The following PNPLA5 variants were observed in gnomAD, a reference collection of about 807,000 sequenced individuals.
PNPLA5 encodes patatin like domain 5, triacylglycerol lipase, also known as patatin-like phospholipase domain-containing protein 5.
PNPLA5 carries 44 observed loss-of-function variants against 49.1 expected under a neutral mutation model. The observed-to-expected ratio is 0.90, with a 90% CI of 0.70 to 1.15. PNPLA5 has a LOEUF of 1.15. PNPLA5 is among the 50% of genes most tolerant of loss of function. The pLI, the probability that PNPLA5 is intolerant of heterozygous loss-of-function variation, is 0.00. For missense variants in PNPLA5, 603 were observed against 564.0 expected, an observed-to-expected ratio of 1.07 and a Z score of -0.70; for synonymous variants, 243 against 244.4, an observed-to-expected ratio of 0.99 and a Z score of 0.06.
chr22:43,887,475 T>G, intron 5 of PNPLA5, 116 bp downstream of exon 5: 3 of 1,237,330 alleles, frequency 2.4e-6, no homozygotes, highest in Non-Finnish European at 2.3e-6. Context: ...ACAGAGCAGA[T>G]GATGAGGAAG....
At chr22:43,886,249 G>A (rs767423498) in intron 6 of PNPLA5, 54 bp downstream of exon 6, 61 of 1,545,830 alleles carry the variant, frequency 3.9e-5, no homozygotes, top group East Asian at 1.1e-4. Flanking sequence ...CCCTGAGCCC[G>A]GGCCCCTGAG....
At chr22:43,887,900 C>T in intron 4 of PNPLA5, among the ~76,000 whole-genome samples, 1 of 152,178 alleles carries the variant, frequency 6.6e-6, no homozygotes. Flanking sequence ...CATTGCATCT[C>T]CCCCCTGAGA....
Position 43,891,974 on chromosome 22 carries a change from A to G in PNPLA5, c.-94T>C. 2 of 1,295,280 alleles carry G rather than the reference A, an allele frequency of 1.5e-6. No homozygotes were observed. Among genetic ancestry groups the G allele is most frequent in the South Asian group, 3.0e-5 (2 of 65,644 alleles). 80.2% of individuals were successfully genotyped at this position (1,295,280 alleles called of 1,614,324 possible). A position where few individuals can be genotyped will look rare whatever the true frequency, so the allele number is the denominator to read the frequency against. On this transcript the variant is annotated 5_prime_UTR_variant, in exon 1 of 9. Coordinates refer to ENST00000216177, the MANE Select transcript of PNPLA5 (RefSeq NM_138814.4). ...TGCAGCCTTGGACGGGGCTGGGCCC[A>G]AATGTGGGCTCTGGAGGGAGCCGGG...
intron 6 of PNPLA5, among the ~76,000 whole-genome samples, chr22:43,884,718 C>A (rs995204860): frequency 8.8e-6 from 1 of 114,244 alleles, no homozygotes; most frequent in Admixed American, 9.4e-5. Context: ...GATGCTCTCA[C>A]CACACTCTCT....
intron 6 of PNPLA5, among the ~76,000 whole-genome samples, 169 bp downstream of exon 6, chr22:43,886,134 C>T (rs1413840013): frequency 2.0e-5 from 3 of 152,132 alleles, no homozygotes; most frequent in African/African-American, 4.8e-5. Flanking sequence ...GAAGAATGAA[C>T]GATGCCACAT....
chr22:43,889,881 C>A lies in PNPLA5; in HGVS notation c.427-17G>T. 1 of 1,613,010 alleles carries A rather than the reference C, an allele frequency of 6.2e-7. No individual in the cohort carries two copies. Among genetic ancestry groups the A allele is most frequent in the South Asian group, 1.1e-5 (1 of 90,730 alleles). On this transcript the variant is annotated splice_polypyrimidine_tract_variant and intron_variant, in intron 2 of 8. Transcript: ENST00000216177. ...GACCAAGGCCTAGGAAGAGAAGAGT[C>A]AGCAGGAACACAACTGTGCATGCTT...
intron 2 of PNPLA5, 122 bp downstream of exon 2, chr22:43,890,940 G>A: frequency 7.7e-7 from 1 of 1,298,162 alleles, no homozygotes. Context: ...CTACAAACAG[G>A]TCCACCCGCC....
chr22:43,880,364 G>C lies in PNPLA5; in HGVS notation c.*431C>G, dbSNP rs575484551. On this transcript the variant is annotated 3_prime_UTR_variant, in exon 9 of 9. Transcript: ENST00000216177. ...CAAGGGCCGCTGCAGGACTGAGAAA[G>C]TCTGGGGGGAGCACCCCCACCCCAT... 5.0e-6 allele frequency: 2 copies of C among 398,734 alleles called. No individual in the cohort carries two copies. The highest frequency in any genetic ancestry group is 8.8e-5 in the Admixed American group (2 of 22,748). The allele number at this position is 398,734 out of a possible 1,614,324, so 24.7% of individuals were successfully genotyped here. A position where few individuals can be genotyped will look rare whatever the true frequency, so the allele number is the denominator to read the frequency against.
chr22:43,880,999 T>C, intron 8 of PNPLA5, 114 bp from the exon 9 acceptor site: 1 of 1,241,430 alleles, frequency 8.1e-7, no homozygotes, highest in Non-Finnish European at 1.0e-6. Flanking sequence ...CCCCAAATCC[T>C]GCTCTGAGGG....
intron 4 of PNPLA5, among the ~76,000 whole-genome samples, chr22:43,888,571 A>G (rs1047514224): frequency 4.0e-5 from 6 of 151,832 alleles, no homozygotes; most frequent in African/African-American, 1.5e-4. Context: ...AGTAGCTGGA[A>G]TTACAGGCAT....
At chr22:43,888,731 G>A (rs1383474627) in intron 4 of PNPLA5, among the ~76,000 whole-genome samples, 2 of 152,112 alleles carry the variant, frequency 1.3e-5, no homozygotes, top group Non-Finnish European at 2.9e-5. Flanking sequence ...CACCACACCC[G>A]GCCAGGAGGA....
In PNPLA5 at chr22:43,889,505, G is replaced by A. The variant is rs2049700624; in HGVS notation, c.526C>T (p.Pro176Ser). 1 of 1,613,210 alleles carries A rather than the reference G, an allele frequency of 6.2e-7. No individual in the cohort carries two copies. Among genetic ancestry groups the A allele is most frequent in the South Asian group, 1.1e-5 (1 of 91,038 alleles). The change falls in exon 4 of 9, where the codon CCC (proline) becomes TCC (serine). Residue 176 changes from proline to serine, a missense_variant. By Grantham distance (74) the Pro-to-Ser change is moderately conservative (BLOSUM62 -1). Transcript: ENST00000216177. ...YIDGALSNNL[P>S]FADCPSTITV... ...ATGGTGGAGGGGCAGTCTGCAAAGG[G>A]CAAGTTGTTGCTCAGAGCCCCATCG...
At chr22:43,889,695 C>A (rs2049702888) in intron 3 of PNPLA5, 104 bp downstream of exon 3, 8 of 1,520,294 alleles carry the variant, frequency 5.3e-6, no homozygotes, top group African/African-American at 1.4e-5. Flanking sequence ...GCCTGGCACA[C>A]AGTAGGTGCT....
chr22:43,889,759 G>C, intron 3 of PNPLA5, 40 bp downstream of exon 3: 1 of 1,599,118 alleles, frequency 6.3e-7, no homozygotes, highest in Non-Finnish European at 8.5e-7. Flanking sequence ...TGCACCCCAG[G>C]CTGCCCAGAG....
chr22:43,891,730 C>T lies in PNPLA5; in HGVS notation c.151G>A (p.Gly51Arg), dbSNP rs754058865. ...GARRIYGSSS[G>R]ALNAVSIVCG... ...ACGATGCTGACTGCGTTGAGCGCCC[C>T]AGACGAGGAACCGTAGATGCGGCGG... Residue 51 changes from glycine (G) to arginine (R), a missense_variant, in exon 1 of 9, where the codon GGG (glycine) becomes AGG (arginine). By Grantham distance (125) the Gly-to-Arg change is moderately radical (BLOSUM62 -2). Coordinates refer to ENST00000216177, the MANE Select transcript of PNPLA5 (RefSeq NM_138814.4). 5.8e-6 allele frequency: 9 copies of T among 1,547,784 alleles called. No individual in the cohort carries two copies. The African/African-American group carries it at 6.9e-5, about 12-fold the overall frequency.
chr22:43,881,505 G>A (rs1044499878), intron 8 of PNPLA5, 53 bp downstream of exon 8: 57 of 1,502,906 alleles, frequency 3.8e-5, no homozygotes, highest in Non-Finnish European at 4.3e-5. Flanking sequence ...CAGCTGGTGC[G>A]TTCCCCCCAG....
chr22:43,880,670 A>G lies in PNPLA5; in HGVS notation c.*125T>C, dbSNP rs1435733617. The G allele has an allele frequency of 4.0e-6, 4 of 996,766 alleles. No individual in the cohort carries two copies. The highest frequency in any genetic ancestry group is 5.2e-6 in the Non-Finnish European group (4 of 770,408). 61.7% of individuals were successfully genotyped at this position (996,766 alleles called of 1,614,324 possible). ...GCTGCGCCCCAAGGAACGGGCTCCA[A>G]GCTGCAGGGTCTCCACGGAGATTGG... On this transcript the variant is annotated 3_prime_UTR_variant, in exon 9 of 9. Coordinates refer to ENST00000216177, the MANE Select transcript of PNPLA5 (RefSeq NM_138814.4).
chr22:43,885,224 G>A (rs1314328143), intron 6 of PNPLA5, among the ~76,000 whole-genome samples: 1 of 152,232 alleles, frequency 6.6e-6, no homozygotes, highest in Non-Finnish European at 1.5e-5. Flanking sequence ...CCCAAGCTTG[G>A]ACCTCAGGGG....
At chr22:43,886,213 G>T in intron 6 of PNPLA5, 90 bp downstream of exon 6, 2 of 1,433,432 alleles carry the variant, frequency 1.4e-6, no homozygotes, top group South Asian at 2.8e-5. Context: ...TCCTCTTCCA[G>T]ACCACGAGTG....
Sources: gnomAD v4.1 joint callset for allele counts (sites outside exome capture counted in the v4.1 genomes callset) on GRCh38, gnomAD v4.1.1 for gene constraint, MANE v1.5 for transcripts, NCBI Gene and HGNC (gene_info 2026-07-23, HGNC 2026-07-21) for gene names.